The following PALM2AKAP2 variants were observed in gnomAD, a reference collection of about 807,000 sequenced individuals.
The protein encoded by PALM2AKAP2 is PALM2-AKAP2 fusion protein.
PALM2AKAP2 carries 37 observed loss-of-function variants against 71.5 expected under a neutral mutation model. The observed-to-expected ratio is 0.52, with a 90% CI of 0.40 to 0.68. The LOEUF (loss-of-function observed/expected upper bound fraction) is 0.68, where lower values mean the gene tolerates loss of function less well. PALM2AKAP2 is among the 30% of genes least tolerant of loss of function. The probability of loss-of-function intolerance (pLI) is 0.00; values close to 1 mark genes in which losing one functional copy is unlikely to be tolerated. For missense variants in PALM2AKAP2, 1,224 were observed against 1,191.8 expected (o/e 1.03, Z -0.40); for synonymous variants, 468 against 478.8 (o/e 0.98, Z 0.29).
chr9:110,159,112 A>T (rs997711583), intron 3 of PALM2AKAP2, among the ~76,000 whole-genome samples: 6 of 152,158 alleles, frequency 3.9e-5, no homozygotes, highest in African/African-American at 1.4e-4. Context: ...CTTTAATACC[A>T]GAAGGATAGT....
intron 7 of PALM2AKAP2, among the ~76,000 whole-genome samples, chr9:110,038,710 G>A (rs570808106): frequency 6.6e-6 from 1 of 152,020 alleles, no homozygotes; most frequent in South Asian, 2.1e-4. Context: ...AGGCTGAGGT[G>A]GGCAGATCAC....
At chr9:110,004,804 C>G (rs970803500) in intron 6 of PALM2AKAP2, among the ~76,000 whole-genome samples, 1 of 152,198 alleles carries the variant, frequency 6.6e-6, no homozygotes, top group Non-Finnish European at 1.5e-5. Flanking sequence ...GATACCCTTT[C>G]TTCCAGTTGA....
At chr9:109,972,877 A>G (rs989396300) in intron 6 of PALM2AKAP2, among the ~76,000 whole-genome samples, 1 of 152,222 alleles carries the variant, frequency 6.6e-6, no homozygotes, top group African/African-American at 2.4e-5. Flanking sequence ...CTGCTCTCCA[A>G]TAATGGCTTA....
intron 1 of PALM2AKAP2, among the ~76,000 whole-genome samples, chr9:110,049,599 G>A (rs1833669300): frequency 6.6e-6 from 1 of 152,128 alleles, no homozygotes; most frequent in Non-Finnish European, 1.5e-5. Flanking sequence ...GCGTCTCTGT[G>A]GGCCCTTCTT....
intron 1 of PALM2AKAP2, among the ~76,000 whole-genome samples, chr9:109,700,842 G>A (rs534286889): frequency 2.5e-4 from 38 of 152,166 alleles, no homozygotes; most frequent in African/African-American, 8.4e-4. Flanking sequence ...ACTCTCTTAT[G>A]TTTTCAAAGT....
chr9:109,959,517 C>T lies in PALM2AKAP2; in HGVS notation c.496+27489C>T, dbSNP rs566714950. On this transcript the variant is annotated intron_variant, in intron 6 of 9. Coordinates refer to the PALM2AKAP2 transcript ENST00000302798. ...AAAACTAGCCAGGCATGGTGGCGGGCGCCTGTAGTCCCAGCTACTCGGGAG... is the reference window on the plus strand; with the variant it reads ...AAAACTAGCCAGGCATGGTGGCGGGTGCCTGTAGTCCCAGCTACTCGGGAG... 1.5e-3 allele frequency among the ~76,000 whole-genome samples: 224 copies of T among 151,914 alleles called. 4 individuals carry two copies. The South Asian group carries it at 0.023, about 15-fold the overall frequency.
chr9:110,013,123 G>C lies in PALM2AKAP2; in HGVS notation c.497-2831G>C, dbSNP rs532677624. 3.3e-5 allele frequency among the ~76,000 whole-genome samples: 5 copies of C among 152,270 alleles called. 1 individual carries two copies. Among genetic ancestry groups the C allele is most frequent in the African/African-American group, 1.2e-4 (5 of 41,542 alleles). On this transcript the variant is annotated intron_variant, in intron 6 of 9. Coordinates refer to the PALM2AKAP2 transcript ENST00000302798. ...CCAGGTGCAGATTGGATCCAGATCTGCTCCCCAGGACTCTCATCCACTTGC... is the reference window on the plus strand; with the variant it reads ...CCAGGTGCAGATTGGATCCAGATCTCCTCCCCAGGACTCTCATCCACTTGC...
At chr9:109,767,194 C>T (rs919230127) in intron 1 of PALM2AKAP2, among the ~76,000 whole-genome samples, 5 of 152,178 alleles carry the variant, frequency 3.3e-5, no homozygotes, top group Non-Finnish European at 5.9e-5. Flanking sequence ...TCCCCTTGCT[C>T]ATGTGTTCTG....
chr9:109,683,482 A>C lies in PALM2AKAP2; in HGVS notation c.5+42616A>C, dbSNP rs184742042. ...AACCTCCACCAGAAGCAGGGAGAGA[A>C]GGCAGGAATAGATTCTTCCTCATAA... On this transcript the variant is annotated intron_variant, in intron 1 of 6. Transcript: ENST00000374531. 1.2e-3 allele frequency among the ~76,000 whole-genome samples: 179 copies of C among 152,290 alleles called. 1 individual carries two copies. Among genetic ancestry groups the C allele is most frequent in the African/African-American group, 4.0e-3 (168 of 41,582 alleles).
intron 1 of PALM2AKAP2, among the ~76,000 whole-genome samples, chr9:109,657,573 G>A (rs1048943322): frequency 3.3e-5 from 5 of 151,994 alleles, no homozygotes; most frequent in Non-Finnish European, 7.4e-5. Context: ...GACAGACAGA[G>A]ACAGAAAGAA....
chr9:109,691,976 G>A (rs1185727632), intron 1 of PALM2AKAP2, among the ~76,000 whole-genome samples: 2 of 137,114 alleles, frequency 1.5e-5, no homozygotes, highest in East Asian at 4.2e-4. Flanking sequence ...CTCCATCTCA[G>A]TATTCATTAG....
chr9:110,141,654 G>A (rs1836033679), intron 2 of PALM2AKAP2, among the ~76,000 whole-genome samples: 1 of 152,168 alleles, frequency 6.6e-6, no homozygotes, highest in African/African-American at 2.4e-5. Flanking sequence ...TGTGAATGGA[G>A]GTGTTACCAA....
At chr9:109,706,489 A>C (rs1157381458) in intron 1 of PALM2AKAP2, among the ~76,000 whole-genome samples, 1 of 152,188 alleles carries the variant, frequency 6.6e-6, no homozygotes, top group Non-Finnish European at 1.5e-5. Flanking sequence ...CTTTGGAAAA[A>C]AGTTTGACTC....
intron 7 of PALM2AKAP2, among the ~76,000 whole-genome samples, chr9:110,020,464 C>T (rs1394163448): frequency 6.6e-6 from 1 of 152,026 alleles, no homozygotes; most frequent in Non-Finnish European, 1.5e-5. Context: ...GGGTGGATCA[C>T]CTGAGGTCAG....
chr9:109,714,610 A>C (rs576357172), intron 1 of PALM2AKAP2, among the ~76,000 whole-genome samples: 1 of 152,316 alleles, frequency 6.6e-6, no homozygotes, highest in East Asian at 1.9e-4. Context: ...AAGGACTTGG[A>C]TGAGCAGCTA....
chr9:110,029,574 G>A (rs1037019144), intron 7 of PALM2AKAP2, among the ~76,000 whole-genome samples: 12 of 152,126 alleles, frequency 7.9e-5, no homozygotes, highest in Non-Finnish European at 1.6e-4. Flanking sequence ...AAACTGTCAC[G>A]TGTTGCTGTT....
At chr9:110,064,834 C>T (rs1834042116) in intron 1 of PALM2AKAP2, among the ~76,000 whole-genome samples, 1 of 152,174 alleles carries the variant, frequency 6.6e-6, no homozygotes, top group South Asian at 2.1e-4. Flanking sequence ...TGATGGATGC[C>T]TGGACTTGTC....
chr9:109,727,877 C>A (rs1828498118), intron 1 of PALM2AKAP2, among the ~76,000 whole-genome samples: 2 of 152,212 alleles, frequency 1.3e-5, no homozygotes, highest in Non-Finnish European at 2.9e-5. Flanking sequence ...CATTGTTGTT[C>A]TAACTAACTA....
chr9:110,171,993 C>T (rs1836867824), exon 4 of PALM2AKAP2: 1 of 152,772 alleles, frequency 6.5e-6, no homozygotes, highest in South Asian at 2.1e-4. Context: ...GCATGCTGCT[C>T]ACCCTAGACA....
Sources: allele counts gnomAD v4.1 joint callset (sites outside exome capture counted in the v4.1 genomes callset), GRCh38; gene constraint gnomAD v4.1.1; transcripts MANE v1.5; gene names NCBI Gene and HGNC (gene_info 2026-07-23, HGNC 2026-07-21).